Variants in TMEM248 observed in about 807,000 individuals in gnomAD.
TMEM248 encodes transmembrane protein 248, also known as UPF0458 protein C7orf42.
Under a neutral mutation model 30.3 loss-of-function variants are expected in TMEM248, and 9 were observed. That is an observed-to-expected ratio of 0.30 (90% CI 0.18 to 0.52). The LOEUF (loss-of-function observed/expected upper bound fraction) is 0.52, where lower values mean the gene tolerates loss of function less well. Ranked by LOEUF, TMEM248 falls within the 20% of genes least tolerant of loss-of-function variation. The pLI is 0.97. For synonymous variants in TMEM248, 184 were observed against 154.4 expected (o/e 1.19, Z -1.42); for missense variants, 338 against 403.3 (o/e 0.84, Z 1.39).
chr7:66,941,775 A>C, intron 1 of TMEM248, 73 bp from the exon 2 acceptor site: 8 of 1,428,008 alleles, frequency 5.6e-6, no homozygotes, highest in Non-Finnish European at 7.5e-6. Context: ...CCAACACCTC[A>C]AAAGGAAACA....
chr7:66,943,537 G>T (rs2129224153), intron 2 of TMEM248, among the ~76,000 whole-genome samples: 1 of 152,318 alleles, frequency 6.6e-6, no homozygotes, highest in East Asian at 1.9e-4. Flanking sequence ...AGAACTTAAT[G>T]CTGATTTTAC....
rs1451548009 is a variant in TMEM248 at position 66,941,963 on chromosome 7, C to T, written c.98C>T (p.Ala33Val). ...FMISVSAMAI[A>V]FLTLGYFFKI... ...ATCAGCGTAAGCGCCATGGCCATAG[C>T]TTTCCTGACCCTGGGCTACTTCTTC... is the stretch of plus-strand genomic sequence containing the variant. Residue 33 changes from alanine (A) to valine (V), a missense_variant, in exon 2 of 7, where the codon GCT becomes GTT. Physicochemically the swap from Ala to Val is moderately conservative, Grantham distance 64. Coordinates refer to ENST00000341567, the MANE Select transcript of TMEM248 (RefSeq NM_017994.5). 6.2e-7 allele frequency: 1 copy of T among 1,614,164 alleles called. No homozygotes were observed. Among genetic ancestry groups the T allele is most frequent in the East Asian group, 2.2e-5 (1 of 44,892 alleles).
chr7:66,926,906 G>A (rs953823021), intron 1 of TMEM248, among the ~76,000 whole-genome samples: 2 of 152,202 alleles, frequency 1.3e-5, no homozygotes, highest in Non-Finnish European at 2.9e-5. Context: ...AAACACTGCC[G>A]TTTGGACTTT....
intron 6 of TMEM248, among the ~76,000 whole-genome samples, chr7:66,953,759 C>T (rs896878319): frequency 8.6e-5 from 13 of 151,754 alleles, no homozygotes; most frequent in Middle Eastern, 3.4e-3. Context: ...CGCAAGCCAC[C>T]GCGTCCCACT....
intron 3 of TMEM248, 99 bp downstream of exon 3, chr7:66,945,360 T>C: frequency 1.5e-6 from 2 of 1,330,330 alleles, no homozygotes; most frequent in South Asian, 1.4e-5. Context: ...TGTACTAGAT[T>C]GTAGTCTTGC....
intron 1 of TMEM248, among the ~76,000 whole-genome samples, chr7:66,937,779 TG>T (rs1791842994): frequency 1.3e-5 from 2 of 152,110 alleles, no homozygotes; most frequent in African/African-American, 4.8e-5. Context: ...GGCGCGACCT[TG>T]GCTCACCACA....
At chr7:66,932,032 C>G (rs961202927) in intron 1 of TMEM248, among the ~76,000 whole-genome samples, 5 of 150,964 alleles carry the variant, frequency 3.3e-5, no homozygotes, top group African/African-American at 9.8e-5. Context: ...TCTCGATCTC[C>G]TGACCTCATG....
At chr7:66,946,612 C>T (rs1192220658) in intron 3 of TMEM248, among the ~76,000 whole-genome samples, 1 of 151,750 alleles carries the variant, frequency 6.6e-6, no homozygotes, top group African/African-American at 2.4e-5. Context: ...TTGGTCTCTT[C>T]CTTTTGGAAT....
At chr7:66,922,610 C>T (rs1279320737) in intron 1 of TMEM248, among the ~76,000 whole-genome samples, 3 of 152,084 alleles carry the variant, frequency 2.0e-5, no homozygotes, top group African/African-American at 7.2e-5. Context: ...CTGCTAGCAC[C>T]GGAGTCTCAA....
intron 1 of TMEM248, among the ~76,000 whole-genome samples, chr7:66,924,427 CAG>C (rs1019862663): frequency 6.6e-6 from 1 of 152,128 alleles, no homozygotes; most frequent in African/African-American, 2.4e-5. Context: ...TTTTTTGAGA[CAG>C]AGTCTTGCTC....
intron 2 of TMEM248, among the ~76,000 whole-genome samples, chr7:66,942,824 G>T (rs1791999254): frequency 6.7e-6 from 1 of 150,278 alleles, no homozygotes; most frequent in Admixed American, 6.7e-5. Flanking sequence ...AGATTCCTTG[G>T]GTGCCTTCTC....
intron 2 of TMEM248, among the ~76,000 whole-genome samples, chr7:66,943,424 C>T (rs764134348): frequency 7.2e-5 from 11 of 152,250 alleles, no homozygotes; most frequent in Admixed American, 2.0e-4. Context: ...TGAGATGCTG[C>T]GGAACTTTGG....
At chr7:66,951,403 TG>T (rs201116609) in intron 5 of TMEM248, 94 of 321,714 alleles carry the variant, frequency 2.9e-4, no homozygotes, top group East Asian at 3.7e-4. Context: ...GCCTAATCCC[TG>T]GGGGGGGTTA....
chr7:66,953,150 C>A, intron 5 of TMEM248, 76 bp from the exon 6 acceptor site: 1 of 1,513,730 alleles, frequency 6.6e-7, no homozygotes, highest in Non-Finnish European at 9.0e-7. Flanking sequence ...TCAATCCTGT[C>A]TCTCAAAACC....
intron 1 of TMEM248, among the ~76,000 whole-genome samples, chr7:66,928,133 C>G (rs1396490344): frequency 5.3e-5 from 8 of 151,940 alleles, no homozygotes; most frequent in Non-Finnish European, 4.4e-5. Flanking sequence ...GAGAATCACT[C>G]GAACCCAGGA....
rs1175355580 is a variant in TMEM248, at chr7:66,927,671, G to T, written c.-19+6210G>T. ...GGGGTCTCACTGTGTTGTCCAGGCT[G>T]GTCTCGAACTCCTGTGCTCAAGTGA... On this transcript the variant is annotated intron_variant, in intron 1 of 6. Coordinates refer to ENST00000341567, the MANE Select transcript of TMEM248 (RefSeq NM_017994.5). Among the ~76,000 whole-genome samples, 4 of 149,602 alleles carry T rather than the reference G, an allele frequency of 2.7e-5. No homozygotes were observed. In the East Asian group the frequency reaches 7.9e-4, roughly 29 times the overall value.
chr7:66,945,063 A>G lies in TMEM248; in HGVS notation c.247A>G (p.Thr83Ala). Residue 83 changes from threonine (T) to alanine (A), a missense_variant, in exon 3 of 7, where the codon ACA becomes GCA. Coordinates refer to ENST00000341567, the MANE Select transcript of TMEM248 (RefSeq NM_017994.5). ...ETLKHLTNDT[T>A]TPESTMTSGQ... ...CCTCAAGCATCTCACAAACGACACCACAACTCCGGAAAGTACAATGACCAG... is the reference window on the plus strand; with the variant it reads ...CCTCAAGCATCTCACAAACGACACCGCAACTCCGGAAAGTACAATGACCAG... 1 of 1,614,252 alleles carries G rather than the reference A, an allele frequency of 6.2e-7. No homozygotes were observed. The highest frequency in any genetic ancestry group is 8.5e-7 in the Non-Finnish European group (1 of 1,180,052).
At chr7:66,940,816 T>C (rs1017978600) in intron 1 of TMEM248, among the ~76,000 whole-genome samples, 2 of 152,204 alleles carry the variant, frequency 1.3e-5, no homozygotes, top group Non-Finnish European at 2.9e-5. Flanking sequence ...GTCGAATAAA[T>C]AGAATTCAGC....
At chr7:66,925,267 C>A (rs117510415) in intron 1 of TMEM248, among the ~76,000 whole-genome samples, 1 of 152,098 alleles carries the variant, frequency 6.6e-6, no homozygotes, top group African/African-American at 2.4e-5. Flanking sequence ...GTGATCCTCC[C>A]ATCTTGGCCT....
Sources: gnomAD v4.1 joint callset for allele counts (sites outside exome capture counted in the v4.1 genomes callset) on GRCh38, gnomAD v4.1.1 for gene constraint, MANE v1.5 for transcripts, NCBI Gene and HGNC (gene_info 2026-07-23, HGNC 2026-07-21) for gene names.